The following FBXL20 variants were observed in gnomAD, a reference collection of about 807,000 sequenced individuals.
FBXL20 encodes F-box/LRR-repeat protein 20.
Under a neutral mutation model 64.0 loss-of-function variants are expected in FBXL20, and 11 were observed. The ratio of observed to expected loss-of-function variants is 0.17; its 90% CI spans 0.11 to 0.28. FBXL20 has a LOEUF of 0.28. FBXL20 is among the 10% of genes least tolerant of loss of function. FBXL20 has a pLI of 1.00. For synonymous variants in FBXL20, 184 were observed against 189.0 expected (o/e 0.97, Z 0.22); for missense variants, 303 against 526.2 (o/e 0.58, Z 4.15).
chr17:39,383,813 C>T (rs532661102), intron 1 of FBXL20, among the ~76,000 whole-genome samples: 25 of 152,070 alleles, frequency 1.6e-4, no homozygotes, highest in African/African-American at 5.5e-4. Flanking sequence ...TGGTCTCGAA[C>T]TCCTGAGCTC....
chr17:39,304,087 C>G (rs1336932299), intron 2 of FBXL20, among the ~76,000 whole-genome samples: 1 of 152,086 alleles, frequency 6.6e-6, no homozygotes. Context: ...AATGCTTGAG[C>G]AATCTGTGAA....
chr17:39,334,987 T>C (rs1165662399), intron 2 of FBXL20, among the ~76,000 whole-genome samples: 1 of 152,128 alleles, frequency 6.6e-6, no homozygotes, highest in African/African-American at 2.4e-5. Context: ...GAAAACCCAA[T>C]TCCCCCTGAG....
chr17:39,395,419 G>A (rs545253501), intron 1 of FBXL20, among the ~76,000 whole-genome samples: 5 of 152,064 alleles, frequency 3.3e-5, no homozygotes, highest in Admixed American at 6.5e-5. Context: ...GTGAGACTCC[G>A]TCTCAAAAAT....
intron 1 of FBXL20, among the ~76,000 whole-genome samples, chr17:39,353,856 T>G (rs2047711525): frequency 6.6e-6 from 1 of 152,002 alleles, no homozygotes; most frequent in Non-Finnish European, 1.5e-5. Context: ...CTCTTGACCT[T>G]GTCATGATCC....
rs574330885 is a variant in FBXL20, at chr17:39,387,372, C to T, written c.42+13989G>A. Among the ~76,000 whole-genome samples, 294 of 151,014 alleles carry T rather than the reference C, an allele frequency of 1.9e-3. 1 individual carries two copies. Among genetic ancestry groups the T allele is most frequent in the African/African-American group, 6.9e-3 (283 of 41,048 alleles). ...TCGGCTTGCTGTAACCTCTGTCTCC[C>T]GGGTTCAAGCGATTCTCCTGCCTCA... On this transcript the variant is annotated intron_variant, in intron 1 of 14. Coordinates refer to ENST00000264658, the MANE Select transcript of FBXL20 (RefSeq NM_032875.3).
rs2046745054 is a variant in FBXL20, at chr17:39,261,499, G to C, written c.1272C>G (p.Gly424=). The C allele has an allele frequency of 6.2e-7, 1 of 1,613,896 alleles. No individual in the cohort carries two copies. The highest frequency in any genetic ancestry group is 8.5e-7 in the Non-Finnish European group (1 of 1,179,912). The change falls in exon 15 of 15, where the codon GGC becomes GGG. Residue 424 remains glycine, a synonymous_variant. Coordinates refer to ENST00000264658, the MANE Select transcript of FBXL20 (RefSeq NM_032875.3). The stretch of plus-strand genomic sequence containing the variant: ...AGCATCTGCAGAAGCGCTGTCTGCT[G>C]CCCCCTACTGATGGGGGTGGAGTGA... The part of the protein sequence containing the change: ...APVTPPPSVG[G]SRQRFCRCCI...
intron 7 of FBXL20, among the ~76,000 whole-genome samples, 176 bp from the exon 8 acceptor site, chr17:39,283,031 C>A (rs1201260205): frequency 6.6e-6 from 1 of 152,170 alleles, no homozygotes; most frequent in Non-Finnish European, 1.5e-5. Flanking sequence ...TCACATGGGA[C>A]TATACCATTA....
rs111788480 is a variant in FBXL20 at position 39,287,597 on chromosome 17, G to C, written c.399-2024C>G. 9.2e-3 allele frequency among the ~76,000 whole-genome samples: 1,396 copies of C among 152,164 alleles called. 18 individuals are homozygous for C. Among genetic ancestry groups the C allele is most frequent in the African/African-American group, 0.032 (1,320 of 41,510 alleles). ...AAAAAAATTTTTTTGTAGAGACAGG[G>C]TCTAACTATGATGCCCAAGCTAGTC... On this transcript the variant is annotated intron_variant, in intron 6 of 14. Coordinates refer to ENST00000264658, the MANE Select transcript of FBXL20 (RefSeq NM_032875.3).
chr17:39,390,245 A>C (rs1313840293), intron 1 of FBXL20, among the ~76,000 whole-genome samples: 1 of 151,938 alleles, frequency 6.6e-6, no homozygotes, highest in Non-Finnish European at 1.5e-5. Flanking sequence ...ACATGGCGAA[A>C]TCCCATCTCT....
chr17:39,292,779 ATATGTCT>A (rs1224911308), intron 6 of FBXL20, among the ~76,000 whole-genome samples: 2 of 149,560 alleles, frequency 1.3e-5, no homozygotes, highest in African/African-American at 4.9e-5. Flanking sequence ...ACTGCTTTGC[ATATGTCT>A]TATAATTTTT....
chr17:39,313,977 C>G (rs746452325), intron 2 of FBXL20, among the ~76,000 whole-genome samples: 1 of 152,070 alleles, frequency 6.6e-6, no homozygotes, highest in South Asian at 2.1e-4. Flanking sequence ...GTGCATAATT[C>G]GGTGATTTTT....
At chr17:39,386,129 G>A (rs564488055) in intron 1 of FBXL20, among the ~76,000 whole-genome samples, 221 of 151,248 alleles carry the variant, frequency 1.5e-3, no homozygotes, top group Non-Finnish European at 2.4e-3. Flanking sequence ...TGGATAAGAG[G>A]TCAGGACATC....
intron 2 of FBXL20, among the ~76,000 whole-genome samples, chr17:39,329,069 A>C (rs1454326614): frequency 2.6e-5 from 4 of 152,090 alleles, no homozygotes; most frequent in Non-Finnish European, 4.4e-5. Context: ...AATAAATACA[A>C]TGTCTCAAAG....
chr17:39,292,440 T>A (rs903392123), intron 6 of FBXL20, among the ~76,000 whole-genome samples: 2 of 140,534 alleles, frequency 1.4e-5, no homozygotes, highest in African/African-American at 5.9e-5. Context: ...TTGAGTGCAG[T>A]GGCTATTAAC....
chr17:39,351,096 A>G (rs1164498483), intron 1 of FBXL20, among the ~76,000 whole-genome samples: 1 of 152,154 alleles, frequency 6.6e-6, no homozygotes, highest in African/African-American at 2.4e-5. Context: ...GCACTTTGGG[A>G]GGCTGAGGTG....
At chr17:39,366,981 C>T (rs2047866450) in intron 1 of FBXL20, among the ~76,000 whole-genome samples, 1 of 150,846 alleles carries the variant, frequency 6.6e-6, no homozygotes, top group Non-Finnish European at 1.5e-5. Flanking sequence ...CCCCTGGGTT[C>T]ACGCTATTCT....
chr17:39,312,312 G>A (rs1208978538), intron 2 of FBXL20, among the ~76,000 whole-genome samples: 1 of 151,606 alleles, frequency 6.6e-6, no homozygotes, highest in Non-Finnish European at 1.5e-5. Flanking sequence ...CTATCGGGAG[G>A]CTGAGGCAGG....
chr17:39,396,651 A>C (rs2048186668), intron 1 of FBXL20, among the ~76,000 whole-genome samples: 1 of 150,870 alleles, frequency 6.6e-6, no homozygotes, highest in Admixed American at 6.6e-5. Flanking sequence ...GCTAGCAAAA[A>C]ATTAAGATTA....
At chr17:39,301,139 T>C in intron 3 of FBXL20, 64 bp from the exon 4 acceptor site, 1 of 1,482,388 alleles carries the variant, frequency 6.7e-7, no homozygotes, top group Non-Finnish European at 9.3e-7. Flanking sequence ...GGCAGCAATA[T>C]TCAAGTTCAC....
Sources: allele counts gnomAD v4.1 joint callset (sites outside exome capture counted in the v4.1 genomes callset), GRCh38; gene constraint gnomAD v4.1.1; transcripts MANE v1.5; gene names NCBI Gene and HGNC (gene_info 2026-07-23, HGNC 2026-07-21).